The following AGPAT3 variants were observed in gnomAD, a reference collection of about 807,000 sequenced individuals.
The protein encoded by AGPAT3 is 1-acylglycerol-3-phosphate O-acyltransferase 3.
AGPAT3 carries 5 observed loss-of-function variants against 47.3 expected under a neutral mutation model. The observed-to-expected ratio is 0.11, with a 90% CI of 0.06 to 0.22. AGPAT3 has a LOEUF of 0.22. Among genes scored for constraint, AGPAT3 ranks in the 10% least tolerant of loss-of-function variants. AGPAT3 has a pLI of 1.00. For synonymous variants in AGPAT3, 212 were observed against 208.3 expected (o/e 1.02, Z -0.15); for missense variants, 315 against 493.0 (o/e 0.64, Z 3.42).
chr21:43,890,330 G>A (rs2086075207), intron 1 of AGPAT3, among the ~76,000 whole-genome samples: 2 of 152,222 alleles, frequency 1.3e-5, no homozygotes, highest in Admixed American at 6.5e-5. Flanking sequence ...GGTGTTCCCA[G>A]AAACTGAGCA....
At chr21:43,885,837 AGGTGCG>A in intron 1 of AGPAT3, among the ~76,000 whole-genome samples, 1 of 152,138 alleles carries the variant, frequency 6.6e-6, no homozygotes, top group African/African-American at 2.4e-5. Flanking sequence ...GCAGGTGCGC[AGGTGCG>A]CAGGGCTCCT....
At chr21:43,969,031 G>C in intron 4 of AGPAT3, 87 bp from the exon 5 acceptor site, 1 of 1,427,614 alleles carries the variant, frequency 7.0e-7, no homozygotes, top group Non-Finnish European at 9.6e-7. Context: ...ACACCACACA[G>C]GAGCTGGGTG....
At position 43,984,862 on chromosome 21, in the gene AGPAT3, C is replaced by T. The variant is rs2030098173; in HGVS notation, c.*2470C>T. 1 of 313,932 alleles carries T rather than the reference C, an allele frequency of 3.2e-6. No homozygotes were observed. The highest frequency in any genetic ancestry group is 6.3e-6 in the Non-Finnish European group (1 of 157,930). 19.4% of individuals were successfully genotyped at this position (313,932 alleles called of 1,614,324 possible). On this transcript the variant is annotated 3_prime_UTR_variant, in exon 10 of 10. Coordinates refer to ENST00000291572, the MANE Select transcript of AGPAT3 (RefSeq NM_020132.5). The stretch of plus-strand genomic sequence containing the variant: ...AGTTGATGTTATGTCCAAATTCAGG[C>T]TGAGTGCTCAGGCTGAAGCAACTCT...
intron 1 of AGPAT3, among the ~76,000 whole-genome samples, chr21:43,871,576 A>G (rs2085625159): frequency 6.6e-6 from 1 of 152,240 alleles, no homozygotes; most frequent in Middle Eastern, 3.4e-3. Context: ...ATTGCTGTTG[A>G]TTTTCGCAAA....
At position 43,970,525 on chromosome 21, in the gene AGPAT3, A is replaced by T; in HGVS notation, c.511-128A>T. 1 of 967,610 alleles carries T rather than the reference A, an allele frequency of 1.0e-6. No homozygotes were observed. Among genetic ancestry groups the T allele is most frequent in the Non-Finnish European group, 1.5e-6 (1 of 656,510 alleles). 59.9% of individuals were successfully genotyped at this position (967,610 alleles called of 1,614,324 possible). A position where few individuals can be genotyped will look rare whatever the true frequency, so the allele number is the denominator to read the frequency against. ...TCAGTCATAACCCATGCTGCTCGCT[A>T]AAGCGGTTCCAAGATTTCCACAAAT... is the stretch of plus-strand genomic sequence containing the variant. On this transcript the variant is annotated intron_variant, in intron 5 of 9. Transcript: ENST00000291572. This position sits in a 1 kb window ranked among gnomAD's most constrained non-coding sequence, Gnocchi z 5.8.
At chr21:43,895,732 A>T (rs995247393) in intron 1 of AGPAT3, among the ~76,000 whole-genome samples, 5 of 151,732 alleles carry the variant, frequency 3.3e-5, no homozygotes, top group African/African-American at 1.2e-4. Flanking sequence ...ATTACAGGCA[A>T]CCGCCACCAC....
intron 2 of AGPAT3, among the ~76,000 whole-genome samples, chr21:43,936,256 G>A (rs902031756): frequency 1.3e-5 from 2 of 152,240 alleles, no homozygotes; most frequent in African/African-American, 2.4e-5. Context: ...TGTGCCTGAC[G>A]TCACACCAGG....
At chr21:43,904,251 A>G (rs2086432831) in intron 2 of AGPAT3, among the ~76,000 whole-genome samples, 1 of 152,234 alleles carries the variant, frequency 6.6e-6, no homozygotes, top group Non-Finnish European at 1.5e-5. Flanking sequence ...GATAAAGTTC[A>G]GGTAACTTTG....
intron 8 of AGPAT3, among the ~76,000 whole-genome samples, chr21:43,980,518 C>T (rs140779050): frequency 6.6e-6 from 1 of 152,352 alleles, no homozygotes; most frequent in African/African-American, 2.4e-5. Flanking sequence ...CCTCCTTTGC[C>T]AGGCTAGGAA....
At chr21:43,953,134 G>A (rs755028450) in intron 2 of AGPAT3, among the ~76,000 whole-genome samples, 22 of 152,328 alleles carry the variant, frequency 1.4e-4, no homozygotes, top group South Asian at 2.1e-4. Flanking sequence ...TGTGGGGCAC[G>A]CCGCAGAGAG....
intron 1 of AGPAT3, among the ~76,000 whole-genome samples, chr21:43,874,616 C>A (rs9637233): frequency 3.9e-5 from 6 of 151,930 alleles, no homozygotes; most frequent in Non-Finnish European, 1.5e-5. Context: ...TATAAAGTTG[C>A]GGTTAGGAAG....
intron 1 of AGPAT3, among the ~76,000 whole-genome samples, chr21:43,884,188 G>T (rs531424031): frequency 6.6e-6 from 1 of 152,062 alleles, no homozygotes; most frequent in African/African-American, 2.4e-5. Context: ...GAGGCCTGTC[G>T]AAAGTGTAGC....
rs2088374033 is a variant in AGPAT3 at position 43,955,009 on chromosome 21, C to G, written c.-48-4625C>G. On this transcript the variant is annotated intron_variant, in intron 2 of 9. Transcript: ENST00000291572. The surrounding 1 kb of genome is among the most constrained non-coding windows in gnomAD (Gnocchi z 4.1). Reference sequence around the variant, plus strand: ...TGGATTCTCGAGGGGAAGCTGCATCCACACAGAGGCTGGGACGTGAATGTG... The same window carrying G: ...TGGATTCTCGAGGGGAAGCTGCATCGACACAGAGGCTGGGACGTGAATGTG... 2 of 1,132,954 alleles carry G rather than the reference C, an allele frequency of 1.8e-6. No homozygotes were observed. The highest frequency in any genetic ancestry group is 1.1e-6 in the Non-Finnish European group (1 of 903,560). 70.2% of individuals were successfully genotyped at this position (1,132,954 alleles called of 1,614,324 possible).
rs1265818561 is a variant in AGPAT3 at position 43,981,149 on chromosome 21, C to T, written c.1004C>T (p.Pro335Leu). The T allele has an allele frequency of 1.2e-6, 2 of 1,614,072 alleles. No homozygotes were observed. Among genetic ancestry groups the T allele is most frequent in the African/African-American group, 2.7e-5 (2 of 74,922 alleles). Reference protein sequence around the residue: ...FVLGVFASGSPLLILTFLGFV... With the variant: ...FVLGVFASGSLLLILTFLGFV... ...TTGGGCGTCTTTGCCAGCGGATCACCTCTCCTGATCCTGACTTTCTTGGGG... is the reference window on the plus strand; with the variant it reads ...TTGGGCGTCTTTGCCAGCGGATCACTTCTCCTGATCCTGACTTTCTTGGGG... The change falls in exon 9 of 10, where the codon CCT (proline) becomes CTT (leucine). Residue 335 changes from proline (P) to leucine (L), a missense_variant. By Grantham distance (98) the Pro-to-Leu change is moderately conservative. Transcript: ENST00000291572. The surrounding 1 kb of genome is among the most constrained non-coding windows in gnomAD (Gnocchi z 5.3).
chr21:43,976,881 A>G (rs1390766901), intron 7 of AGPAT3, among the ~76,000 whole-genome samples: 1 of 152,232 alleles, frequency 6.6e-6, no homozygotes, highest in Non-Finnish European at 1.5e-5. Context: ...CAGCTCCCGT[A>G]CACACAGTAT....
chr21:43,907,433 C>T (rs190578954), intron 2 of AGPAT3, among the ~76,000 whole-genome samples: 11 of 152,200 alleles, frequency 7.2e-5, no homozygotes, highest in African/African-American at 2.2e-4. Flanking sequence ...TAAAACTGTG[C>T]CATACCAGGT....
Position 43,870,608 on chromosome 21 carries a change from G to T in AGPAT3, c.-112+5263G>T, listed in dbSNP as rs74677379. 9.6e-3 allele frequency among the ~76,000 whole-genome samples: 1,463 copies of T among 152,028 alleles called. 27 individuals are homozygous for T. Among genetic ancestry groups the T allele is most frequent in the African/African-American group, 0.034 (1,395 of 41,440 alleles). On this transcript the variant is annotated intron_variant, in intron 1 of 9. Transcript: ENST00000291572. Reference sequence around the variant, plus strand: ...TGTGGTGGCGCATGCATAGGTCCCAGCTACTCGGGACACTGAGGAAGGAGA... The same window carrying T: ...TGTGGTGGCGCATGCATAGGTCCCATCTACTCGGGACACTGAGGAAGGAGA...
intron 1 of AGPAT3, among the ~76,000 whole-genome samples, chr21:43,875,379 C>T (rs1264766804): frequency 6.6e-6 from 1 of 152,196 alleles, no homozygotes; most frequent in Non-Finnish European, 1.5e-5. Context: ...ACCCAAATAT[C>T]TTTGATCCAC....
At chr21:43,977,250 C>T (rs2089652019) in intron 7 of AGPAT3, among the ~76,000 whole-genome samples, 1 of 152,122 alleles carries the variant, frequency 6.6e-6, no homozygotes, top group South Asian at 2.1e-4. Context: ...GATGAAAATG[C>T]CTACATTTTT....
Sources: allele counts gnomAD v4.1 joint callset (sites outside exome capture counted in the v4.1 genomes callset), GRCh38; gene constraint gnomAD v4.1.1; non-coding constraint Gnocchi (gnomAD v3.1); transcripts MANE v1.5; gene names NCBI Gene and HGNC (gene_info 2026-07-23, HGNC 2026-07-21).